Variants in SMYD3 observed in about 807,000 individuals in gnomAD.
SMYD3 encodes the protein SET and MYND domain containing 3.
A neutral mutation model predicts 57.7 loss-of-function variants in SMYD3; 36 were observed. The ratio of observed to expected loss-of-function variants is 0.62; its 90% CI spans 0.48 to 0.82. The LOEUF (loss-of-function observed/expected upper bound fraction) is 0.82. SMYD3 is among the 40% of genes least tolerant of loss of function. The pLI is 0.00. For missense variants in SMYD3, 515 were observed against 538.8 expected (o/e 0.96, Z 0.44); for synonymous variants, 211 against 195.0 (o/e 1.08, Z -0.68).
intron 10 of SMYD3, among the ~76,000 whole-genome samples, chr1:245,793,396 T>C (rs1331040435): frequency 1.3e-5 from 2 of 152,078 alleles, no homozygotes; most frequent in South Asian, 2.1e-4. Context: ...GTAACAACAC[T>C]AATTTGACCA....
intron 10 of SMYD3, among the ~76,000 whole-genome samples, chr1:245,833,073 A>AAAAAAAAAACAAAAAAAACACAAC: frequency 7.8e-6 from 1 of 128,652 alleles, no homozygotes; most frequent in Non-Finnish European, 1.6e-5. Context: ...AAAAAAAAAA[A>AAAAAAAAAACAAAAAAAACACAAC]AACCTGCTTT....
At chr1:246,084,170 T>C (rs2060687856) in intron 5 of SMYD3, among the ~76,000 whole-genome samples, 1 of 151,402 alleles carries the variant, frequency 6.6e-6, no homozygotes, top group East Asian at 1.9e-4. Flanking sequence ...TATTGCCCTG[T>C]AAGACATTAA....
chr1:246,005,089 T>TCTGC (rs1461764997), intron 5 of SMYD3, among the ~76,000 whole-genome samples: 5 of 152,192 alleles, frequency 3.3e-5, no homozygotes, highest in Admixed American at 2.6e-4. Flanking sequence ...GCTCAGGCCA[T>TCTGC]CTGCCCATCT....
chr1:245,903,793 T>C (rs1437619859), intron 8 of SMYD3, among the ~76,000 whole-genome samples: 2 of 152,214 alleles, frequency 1.3e-5, no homozygotes, highest in African/African-American at 4.8e-5. Context: ...TACCCACAGC[T>C]GGAGCAGGTG....
chr1:245,873,992 G>A (rs760263106), intron 8 of SMYD3, among the ~76,000 whole-genome samples: 9 of 152,188 alleles, frequency 5.9e-5, no homozygotes, highest in African/African-American at 1.7e-4. Context: ...TCCATTAGTC[G>A]CCTATGTGTA....
chr1:246,289,688 A>T (rs10737789), intron 5 of SMYD3, among the ~76,000 whole-genome samples: 1 of 151,942 alleles, frequency 6.6e-6, no homozygotes, highest in Non-Finnish European at 1.5e-5. Flanking sequence ...AGTGCATGGC[A>T]CTTGGTAAAT....
At chr1:246,431,982 C>A (rs2067302193) in intron 1 of SMYD3, among the ~76,000 whole-genome samples, 1 of 152,076 alleles carries the variant, frequency 6.6e-6, no homozygotes, top group Non-Finnish European at 1.5e-5. Flanking sequence ...TCTGACTATA[C>A]TCTGGAAAAA....
chr1:246,470,376 A>T (rs974821331), intron 1 of SMYD3, among the ~76,000 whole-genome samples: 1 of 151,900 alleles, frequency 6.6e-6, no homozygotes, highest in Non-Finnish European at 1.5e-5. Context: ...CACACGTGTA[A>T]TCCCAGCTAC....
chr1:246,485,381 CA>C (rs2068170658), intron 1 of SMYD3, among the ~76,000 whole-genome samples: 1 of 152,202 alleles, frequency 6.6e-6, no homozygotes, highest in African/African-American at 2.4e-5. Context: ...TACATTTTTC[CA>C]ATTTCCAAGA....
At chr1:246,176,269 C>G (rs938474358) in intron 5 of SMYD3, among the ~76,000 whole-genome samples, 6 of 152,114 alleles carry the variant, frequency 3.9e-5, no homozygotes, top group African/African-American at 1.4e-4. Flanking sequence ...TCAACTACAC[C>G]CATAAGTACC....
chr1:246,306,191 T>A (rs1000138539), intron 5 of SMYD3, among the ~76,000 whole-genome samples: 3 of 152,056 alleles, frequency 2.0e-5, no homozygotes, highest in Non-Finnish European at 4.4e-5. Flanking sequence ...ATACAAAAAT[T>A]AGCAGGGCGT....
intron 5 of SMYD3, among the ~76,000 whole-genome samples, chr1:246,237,950 T>C (rs1422994874): frequency 6.6e-6 from 1 of 152,212 alleles, no homozygotes; most frequent in Non-Finnish European, 1.5e-5. Flanking sequence ...AAGTAATACA[T>C]GCATTTTTTT....
In SMYD3 at chr1:246,059,803, A is replaced by T. The variant is rs545275518; in HGVS notation, c.532-129866T>A. ...GCCCCTTGCTTGTGGAAGCCAGCTT[A>T]AACTGGTAAGAGCCCAATCACTCAC... On this transcript the variant is annotated intron_variant, in intron 5 of 11. Coordinates refer to ENST00000490107, the MANE Select transcript of SMYD3 (RefSeq NM_001167740.2). 1.8e-4 allele frequency among the ~76,000 whole-genome samples: 27 copies of T among 152,350 alleles called. 1 individual carries two copies. The South Asian group carries it at 5.6e-3, about 32-fold the overall frequency.
chr1:245,763,867 T>A (rs1205388367), intron 11 of SMYD3, among the ~76,000 whole-genome samples, 174 bp downstream of exon 11: 1 of 152,060 alleles, frequency 6.6e-6, no homozygotes, highest in Admixed American at 6.5e-5. Flanking sequence ...AATAGGCAAA[T>A]GTCATGAAGC....
chr1:246,139,374 T>C (rs1219434115), intron 5 of SMYD3, among the ~76,000 whole-genome samples: 5 of 152,194 alleles, frequency 3.3e-5, no homozygotes, highest in Non-Finnish European at 1.5e-5. Flanking sequence ...CCTAAAACAT[T>C]CCTAATCCAA....
intron 5 of SMYD3, among the ~76,000 whole-genome samples, chr1:246,058,944 C>T (rs946522899): frequency 2.6e-5 from 4 of 151,474 alleles, no homozygotes; most frequent in African/African-American, 9.7e-5. Flanking sequence ...GCATGATCTC[C>T]GCTCACTGCC....
chr1:246,290,839 A>T (rs1446761618), intron 5 of SMYD3, among the ~76,000 whole-genome samples: 1 of 152,156 alleles, frequency 6.6e-6, no homozygotes, highest in East Asian at 1.9e-4. Context: ...TACCACACTG[A>T]TGTCTTCATC....
At chr1:246,286,266 T>C (rs530948412) in intron 5 of SMYD3, among the ~76,000 whole-genome samples, 1 of 152,362 alleles carries the variant, frequency 6.6e-6, no homozygotes, top group South Asian at 2.1e-4. Context: ...GCACTTTTGT[T>C]TAAATTTTTG....
chr1:245,816,152 C>G (rs1323190704), intron 10 of SMYD3, among the ~76,000 whole-genome samples: 1 of 152,204 alleles, frequency 6.6e-6, no homozygotes, highest in Non-Finnish European at 1.5e-5. Context: ...GAAGCTCCTA[C>G]CTGTCGCTAG....
Sources: allele counts gnomAD v4.1 joint callset (sites outside exome capture counted in the v4.1 genomes callset), GRCh38; gene constraint gnomAD v4.1.1; transcripts MANE v1.5; gene names NCBI Gene and HGNC (gene_info 2026-07-23, HGNC 2026-07-21).